Variants in MAPK10 observed in about 807,000 individuals in gnomAD.
MAPK10 encodes the protein JNK3 alpha protein kinase.
MAPK10 carries 25 observed loss-of-function variants against 59.3 expected under a neutral mutation model. The observed-to-expected ratio is 0.42, with a 90% confidence interval of 0.31 to 0.59. The LOEUF (loss-of-function observed/expected upper bound fraction) is 0.59, where lower values mean the gene tolerates loss of function less well. Ranked by LOEUF, MAPK10 falls within the 20% of genes least tolerant of loss-of-function variation. The pLI is 0.15. For synonymous variants in MAPK10, 190 were observed against 200.5 expected, an observed-to-expected ratio of 0.95 and a Z score of 0.44; for missense variants, 351 against 568.9, an observed-to-expected ratio of 0.62 and a Z score of 3.90.
chr4:86,157,540 A>T (rs755302672), intron 4 of MAPK10, among the ~76,000 whole-genome samples: 6 of 151,972 alleles, frequency 3.9e-5, no homozygotes, highest in Non-Finnish European at 8.8e-5. Flanking sequence ...TCAAGATATT[A>T]TGTACTCTGA....
At chr4:86,490,678 C>A (rs1328785356) in intron 1 of MAPK10, among the ~76,000 whole-genome samples, 2 of 152,226 alleles carry the variant, frequency 1.3e-5, no homozygotes, top group Non-Finnish European at 1.5e-5. Context: ...TTCTAATTCA[C>A]CCACGCAGAG....
At chr4:86,311,618 T>C (rs2095670701) in intron 2 of MAPK10, among the ~76,000 whole-genome samples, 1 of 152,096 alleles carries the variant, frequency 6.6e-6, no homozygotes, top group South Asian at 2.1e-4. Context: ...AGTATGATGG[T>C]AGAAATGGTG....
At chr4:86,541,183 T>C (rs958823875) in intron 1 of MAPK10, among the ~76,000 whole-genome samples, 6 of 151,852 alleles carry the variant, frequency 4.0e-5, no homozygotes, top group Admixed American at 3.3e-4. Flanking sequence ...AGCTGGCTTA[T>C]GGGGAAAGTG....
intron 9 of MAPK10, among the ~76,000 whole-genome samples, chr4:86,088,465 G>T (rs1357844808): frequency 6.6e-6 from 1 of 152,094 alleles, no homozygotes; most frequent in Non-Finnish European, 1.5e-5. Flanking sequence ...GGGGTTACAG[G>T]CATGAGCTAC....
At chr4:86,222,339 T>C (rs1269189074) in intron 2 of MAPK10, among the ~76,000 whole-genome samples, 2 of 152,186 alleles carry the variant, frequency 1.3e-5, no homozygotes, top group Non-Finnish European at 2.9e-5. Flanking sequence ...TGCCAGGAGT[T>C]TTGCTTACTG....
chr4:86,355,687 A>T (rs12646021), intron 1 of MAPK10, among the ~76,000 whole-genome samples: 34,956 of 152,016 alleles, frequency 0.23, 4,525 homozygotes, highest in South Asian at 0.43. Flanking sequence ...AAACAGAAAA[A>T]GTCAGTCCCT....
chr4:86,183,054 T>A (rs959120081), intron 3 of MAPK10, among the ~76,000 whole-genome samples: 5 of 152,186 alleles, frequency 3.3e-5, no homozygotes, highest in Non-Finnish European at 5.9e-5. Context: ...ATTTTTAGGC[T>A]ATGTTAATTG....
intron 1 of MAPK10, among the ~76,000 whole-genome samples, chr4:86,414,109 C>A (rs986422132): frequency 6.6e-6 from 1 of 152,154 alleles, no homozygotes; most frequent in African/African-American, 2.4e-5. Context: ...TGGTTCAGGT[C>A]CCCTAAAAAC....
intron 2 of MAPK10, among the ~76,000 whole-genome samples, chr4:86,322,963 T>A (rs2095933934): frequency 6.6e-6 from 1 of 152,164 alleles, no homozygotes; most frequent in Non-Finnish European, 1.5e-5. Flanking sequence ...TCACCTGAGG[T>A]CAGGAGTTCG....
intron 3 of MAPK10, 57 bp from the exon 4 acceptor site, chr4:86,159,524 G>C: frequency 1.4e-6 from 2 of 1,412,932 alleles, no homozygotes; most frequent in South Asian, 2.6e-5. Context: ...GAATGATAAT[G>C]AGATGTACAG....
intron 4 of MAPK10, chr4:86,107,677 A>G (rs1231690945): frequency 1.0e-6 from 1 of 999,352 alleles, no homozygotes; most frequent in Admixed American, 6.0e-5. Context: ...GGTGGAATAA[A>G]GAAGTAAGAC....
intron 2 of MAPK10, among the ~76,000 whole-genome samples, chr4:86,269,229 G>C (rs1315006273): frequency 6.6e-6 from 1 of 152,122 alleles, no homozygotes; most frequent in Non-Finnish European, 1.5e-5. Context: ...GAACCCACTA[G>C]TCTATTAGAA....
chr4:86,225,569 T>C (rs1351392585), intron 2 of MAPK10, among the ~76,000 whole-genome samples: 1 of 152,190 alleles, frequency 6.6e-6, no homozygotes, highest in African/African-American at 2.4e-5. Flanking sequence ...AATGTAACTC[T>C]ATATTTTGAG....
intron 11 of MAPK10, among the ~76,000 whole-genome samples, chr4:86,061,693 T>C (rs2045790422): frequency 1.3e-5 from 2 of 152,170 alleles, no homozygotes; most frequent in African/African-American, 4.8e-5. Flanking sequence ...TATCATAGTT[T>C]GTTCTTTATC....
chr4:86,576,533 G>A (rs1761904667), intron 1 of MAPK10, among the ~76,000 whole-genome samples: 1 of 150,868 alleles, frequency 6.6e-6, no homozygotes, highest in Admixed American at 6.6e-5. Flanking sequence ...CCAGCACTTT[G>A]GGAGGCCGAG....
At chr4:86,550,397 A>AC (rs1759677029) in intron 1 of MAPK10, among the ~76,000 whole-genome samples, 2 of 109,998 alleles carry the variant, frequency 1.8e-5, no homozygotes, top group South Asian at 3.0e-4. Flanking sequence ...AAAAAAAAAA[A>AC]AAAAAAAAAA....
At chr4:86,502,340 A>G (rs997859288) in intron 1 of MAPK10, among the ~76,000 whole-genome samples, 1 of 152,116 alleles carries the variant, frequency 6.6e-6, no homozygotes, top group East Asian at 1.9e-4. Flanking sequence ...AAGTATCTTC[A>G]TGAATTCTAA....
chr4:86,236,222 T>C lies in MAPK10; in HGVS notation c.-6-41815A>G, dbSNP rs112386844. Among the ~76,000 whole-genome samples the C allele has an allele frequency of 2.2e-4, 34 of 152,296 alleles. 1 individual carries two copies. The highest frequency in any genetic ancestry group is 7.2e-4 in the African/African-American group (30 of 41,558). On this transcript the variant is annotated intron_variant, in intron 2 of 13. Coordinates refer to ENST00000641462, the MANE Select transcript of MAPK10 (RefSeq NM_138982.4). ...CCCACTTAGATAATCCAGGATAATA[T>C]CCCCAAGCCAAGATTCTTAATTTAA...
chr4:86,335,046 G>T (rs1265472952), intron 2 of MAPK10: 1 of 152,106 alleles, frequency 6.6e-6, no homozygotes, highest in African/African-American at 2.4e-5. Flanking sequence ...GGAAAAGAAG[G>T]AGAAAGCATC....
Sources: allele counts gnomAD v4.1 joint callset (sites outside exome capture counted in the v4.1 genomes callset), GRCh38; gene constraint gnomAD v4.1.1; transcripts MANE v1.5; gene names NCBI Gene and HGNC (gene_info 2026-07-23, HGNC 2026-07-21).